Variants in DOCK7 observed in about 807,000 individuals in gnomAD.
The protein encoded by DOCK7 is dedicator of cytokinesis 7.
Under a neutral mutation model 271.0 loss-of-function variants are expected in DOCK7, and 138 were observed. The observed-to-expected ratio is 0.51, with a 90% CI of 0.44 to 0.59. The LOEUF (loss-of-function observed/expected upper bound fraction) is 0.59. Among genes scored for constraint, DOCK7 ranks in the 20% least tolerant of loss-of-function variants. The pLI, the probability that DOCK7 is intolerant of heterozygous loss-of-function variation, is 0.00. For synonymous variants in DOCK7, 823 were observed against 876.1 expected, an observed-to-expected ratio of 0.94 and a Z score of 1.07; for missense variants, 2,066 against 2,592.4, an observed-to-expected ratio of 0.80 and a Z score of 4.41.
At chr1:62,515,934 A>G (rs1370826715) in intron 31 of DOCK7, among the ~76,000 whole-genome samples, 1 of 152,208 alleles carries the variant, frequency 6.6e-6, no homozygotes, top group African/African-American at 2.4e-5. Flanking sequence ...TGCATATCTG[A>G]AAATCTGATC....
chr1:62,553,342 ATATATATATATATTTTTTTTT>A (rs1472110652), intron 21 of DOCK7, among the ~76,000 whole-genome samples: 27 of 33,012 alleles, frequency 8.2e-4, no homozygotes, highest in Middle Eastern at 0.031. Context: ...ATATATATAT[ATATATATATATATTTTTTTTT>A]TTTTTTTTTT....
intron 15 of DOCK7, among the ~76,000 whole-genome samples, chr1:62,585,117 T>C (rs551143787): frequency 6.6e-6 from 1 of 152,062 alleles, no homozygotes; most frequent in East Asian, 1.9e-4. Flanking sequence ...ATTCCAAATC[T>C]CAAAAATAAA....
intron 12 of DOCK7, among the ~76,000 whole-genome samples, chr1:62,622,078 T>G (rs903479225): frequency 1.3e-5 from 2 of 152,252 alleles, no homozygotes; most frequent in African/African-American, 4.8e-5. Context: ...GAAAAACATT[T>G]GCACAATTTA....
chr1:62,553,331 TATATATATATATATATATATA>T (rs1645992010), intron 21 of DOCK7, among the ~76,000 whole-genome samples: 1 of 3,730 alleles, frequency 2.7e-4, no homozygotes, highest in African/African-American at 1.1e-3. Context: ...TATATATATA[TATATATATATATATATATATA>T]TATTTTTTTT....
In DOCK7 at chr1:62,539,740, A is replaced by C. The variant is rs1645463800; in HGVS notation, c.3186+12T>G. 4 of 1,611,916 alleles carry C rather than the reference A, an allele frequency of 2.5e-6. No homozygotes were observed. Among genetic ancestry groups the C allele is most frequent in the Non-Finnish European group, 3.4e-6 (4 of 1,179,332 alleles). The stretch of plus-strand genomic sequence containing the variant: ...TTGAAAGAGAGATAAGTGGGGAAAA[A>C]GTTATCATTACCTTCTGAAATCGTG... On this transcript the variant is annotated intron_variant, in intron 26 of 49. Coordinates refer to ENST00000635253, the MANE Select transcript of DOCK7 (RefSeq NM_001367561.1).
At chr1:62,605,550 CTT>C (rs1332479671) in intron 14 of DOCK7, 1 of 152,274 alleles carries the variant, frequency 6.6e-6, no homozygotes, top group Non-Finnish European at 1.5e-5. Context: ...TATTTTAACA[CTT>C]AATACTATGA....
rs185713349 is a variant in DOCK7 at position 62,477,551 on chromosome 1, T to A, written c.5634+149A>T. On this transcript the variant is annotated intron_variant, in intron 44 of 49. Coordinates refer to ENST00000635253, the MANE Select transcript of DOCK7 (RefSeq NM_001367561.1). ...CCATAAAAGATTTGAAAGAGTATTA[T>A]TGTAACTATTAAAAGTCCTTATTCT... The A allele has an allele frequency of 4.6e-4, 335 of 725,986 alleles. 1 individual carries two copies. Among genetic ancestry groups the A allele is most frequent in the Non-Finnish European group, 6.3e-4 (304 of 482,600 alleles). The allele number at this position is 725,986 out of a possible 1,614,324, so 45.0% of individuals were successfully genotyped here.
intron 18 of DOCK7, among the ~76,000 whole-genome samples, chr1:62,571,543 C>G (rs1271279456): frequency 6.6e-6 from 1 of 152,118 alleles, no homozygotes. Context: ...CCAGCAATCT[C>G]ATTACTGGGT....
intron 14 of DOCK7, among the ~76,000 whole-genome samples, chr1:62,588,940 C>G (rs1330776058): frequency 6.6e-6 from 1 of 152,072 alleles, no homozygotes; most frequent in East Asian, 1.9e-4. Flanking sequence ...TGGAGTCTTA[C>G]TATGTTGCCC....
chr1:62,457,577 G>C lies in DOCK7; in HGVS notation c.6341C>G (p.Pro2114Arg), dbSNP rs1483686041. The C allele has an allele frequency of 1.2e-6, 2 of 1,614,088 alleles. No homozygotes were observed. The highest frequency in any genetic ancestry group is 1.3e-5 in the African/African-American group (1 of 75,014). ...ALQPLINRKIPQLYKAVLPVT... is the reference protein window; with the variant it reads ...ALQPLINRKIRQLYKAVLPVT... ...AGGCAATACTGCCTTGTATAACTGAGGGATCTTTCTGTTGATCAGTGGCTG... is the reference window on the plus strand; with the variant it reads ...AGGCAATACTGCCTTGTATAACTGACGGATCTTTCTGTTGATCAGTGGCTG... Residue 2114 changes from proline to arginine, a missense_variant, in exon 49 of 50, where the codon CCT becomes CGT. Physicochemically the swap from Pro to Arg is moderately radical, Grantham distance 103. Transcript: ENST00000635253.
At chr1:62,651,134 T>C (rs1657297206) in intron 4 of DOCK7, among the ~76,000 whole-genome samples, 1 of 151,934 alleles carries the variant, frequency 6.6e-6, no homozygotes, top group Admixed American at 6.5e-5. Context: ...GATGAGTTCA[T>C]GTCCTTTGTA....
rs1375140558 is a variant in DOCK7 at position 62,634,939 on chromosome 1, TGTTA to T, written c.886-21_886-18del. ...TTCTGAAATCTAAAAAATATTAGTA[TGTTA>T]AACTTTAAAATATGTACATTTTACA... On this transcript the variant is annotated intron_variant, in intron 8 of 49. Coordinates refer to ENST00000635253, the MANE Select transcript of DOCK7 (RefSeq NM_001367561.1). The T allele has an allele frequency of 1.4e-5, 22 of 1,543,952 alleles. No individual in the cohort carries two copies. Among genetic ancestry groups the T allele is most frequent in the Non-Finnish European group, 1.8e-5 (20 of 1,126,470 alleles).
Position 62,620,935 on chromosome 1 carries a change from A to G in DOCK7, c.1426-942T>C, listed in dbSNP as rs1571800932. On this transcript the variant is annotated intron_variant, in intron 12 of 49. Coordinates refer to ENST00000635253, the MANE Select transcript of DOCK7 (RefSeq NM_001367561.1). ...GAAAACCAATACAAGTTAGAGATAG[A>G]TGAAAAAGAGAAGAGAAAAATAAGA... Among the ~76,000 whole-genome samples, 9 of 151,594 alleles carry G rather than the reference A, an allele frequency of 5.9e-5. 1 individual carries two copies. Among genetic ancestry groups the G allele is most frequent in the African/African-American group, 2.2e-4 (9 of 41,472 alleles).
chr1:62,568,178 A>G (rs1455638232), intron 18 of DOCK7, among the ~76,000 whole-genome samples: 2 of 152,232 alleles, frequency 1.3e-5, no homozygotes, highest in Non-Finnish European at 2.9e-5. Flanking sequence ...TTAGGGCAGA[A>G]ATCAAGAAGT....
At chr1:62,630,066 G>C (rs1316343464) in intron 11 of DOCK7, among the ~76,000 whole-genome samples, 2 of 152,196 alleles carry the variant, frequency 1.3e-5, no homozygotes, top group Non-Finnish European at 2.9e-5. Flanking sequence ...AGCAAGCCCT[G>C]AGAATGACCC....
Position 62,475,700 on chromosome 1 carries a change from G to C in DOCK7, c.5961+7C>G. Reference sequence around the variant, plus strand: ...CACTAATGCTGTTTGCCCATTAATGGACTTACCTCTTCTTTATGAGTGACA... The same window carrying C: ...CACTAATGCTGTTTGCCCATTAATGCACTTACCTCTTCTTTATGAGTGACA... On this transcript the variant is annotated splice_region_variant and intron_variant, in intron 46 of 49. Coordinates refer to ENST00000635253, the MANE Select transcript of DOCK7 (RefSeq NM_001367561.1). The C allele has an allele frequency of 6.2e-7, 1 of 1,612,034 alleles. No homozygotes were observed. The highest frequency in any genetic ancestry group is 8.5e-7 in the Non-Finnish European group (1 of 1,178,552).
intron 7 of DOCK7, among the ~76,000 whole-genome samples, chr1:62,638,611 TC>T (rs1407464246): frequency 6.7e-6 from 1 of 148,610 alleles, no homozygotes; most frequent in African/African-American, 2.4e-5. Context: ...ATATATTTTT[TC>T]ATGAATATAT....
chr1:62,517,013 A>G (rs974158489), intron 31 of DOCK7, among the ~76,000 whole-genome samples: 4 of 152,208 alleles, frequency 2.6e-5, no homozygotes, highest in Non-Finnish European at 5.9e-5. Context: ...ACTGGCCCTT[A>G]TATCTTGATG....
At chr1:62,508,089 T>A in intron 34 of DOCK7, 31 bp from the exon 35 acceptor site, 1 of 1,549,850 alleles carries the variant, frequency 6.5e-7, no homozygotes, top group South Asian at 1.2e-5. Context: ...AAATTATATT[T>A]ATCTTTTTGA....
Sources: gnomAD v4.1 joint callset for allele counts (sites outside exome capture counted in the v4.1 genomes callset) on GRCh38, gnomAD v4.1.1 for gene constraint, MANE v1.5 for transcripts, NCBI Gene and HGNC (gene_info 2026-07-23, HGNC 2026-07-21) for gene names.